The following MLIP variants were observed in gnomAD, a reference collection of about 807,000 sequenced individuals.
The protein encoded by MLIP is muscular LMNA-interacting protein.
In MLIP, 79 loss-of-function variants were observed where a neutral mutation model predicts 84.8. The ratio of observed to expected loss-of-function variants is 0.93; its 90% confidence interval spans 0.78 to 1.12. The LOEUF is 1.12. Among genes scored for constraint, MLIP ranks in the 50% most tolerant of loss-of-function variants. The probability of loss-of-function intolerance (pLI) is 0.00; values close to 1 mark genes in which losing one functional copy is unlikely to be tolerated. For missense variants in MLIP, 1,257 were observed against 1,160.6 expected (o/e 1.08, Z -1.21); for synonymous variants, 504 against 463.0 (o/e 1.09, Z -1.14).
chr6:54,174,336 C>T (rs749586802), intron 9 of MLIP, among the ~76,000 whole-genome samples: 2 of 151,602 alleles, frequency 1.3e-5, no homozygotes, highest in Non-Finnish European at 3.0e-5. Context: ...TTATAGTGGT[C>T]GTACTAATTG....
intron 13 of MLIP, among the ~76,000 whole-genome samples, chr6:54,259,670 C>A (rs568695803): frequency 2.0e-5 from 3 of 151,654 alleles, no homozygotes; most frequent in Non-Finnish European, 4.4e-5. Context: ...TTGGAATATA[C>A]GAAAAATGTC....
At chr6:54,079,124 T>G (rs1387996481) in intron 1 of MLIP, among the ~76,000 whole-genome samples, 2 of 152,236 alleles carry the variant, frequency 1.3e-5, no homozygotes, top group Non-Finnish European at 1.5e-5. Flanking sequence ...GAAATTAAAC[T>G]TGAATGAGGC....
At chr6:54,219,454 G>T (rs1022316364) in intron 11 of MLIP, among the ~76,000 whole-genome samples, 2 of 144,050 alleles carry the variant, frequency 1.4e-5, no homozygotes, top group Non-Finnish European at 1.5e-5. Context: ...TCTGCAATAG[G>T]AATTTTTCGG....
At position 54,112,897 on chromosome 6, in the gene MLIP, T is replaced by G. The variant is rs188801419; in HGVS notation, c.96+1322T>G. On this transcript the variant is annotated intron_variant, in intron 1 of 13. Coordinates refer to ENST00000502396, the MANE Select transcript of MLIP (RefSeq NM_001281747.2). ...CATACTTTGTTTCTACTTTATTCAC[T>G]GAAAGTTATAGCTGTCAACTTTTAA... Among the ~76,000 whole-genome samples the G allele has an allele frequency of 9.8e-3, 1,486 of 152,294 alleles. 26 individuals are homozygous for G. Among genetic ancestry groups the G allele is most frequent in the African/African-American group, 0.033 (1,373 of 41,576 alleles).
intron 11 of MLIP, among the ~76,000 whole-genome samples, chr6:54,228,531 A>C (rs1181126162): frequency 6.6e-6 from 1 of 152,242 alleles, no homozygotes; most frequent in Non-Finnish European, 1.5e-5. Context: ...GATCCTACAG[A>C]AACATTCAGG....
chr6:54,216,935 T>C (rs2150759214), intron 11 of MLIP: 1 of 985,440 alleles, frequency 1.0e-6, no homozygotes, highest in African/African-American at 1.7e-5. Context: ...AAGAAAATAT[T>C]ACTACTGTTC....
At chr6:54,245,962 G>A (rs368669541) in intron 12 of MLIP, among the ~76,000 whole-genome samples, 3 of 152,206 alleles carry the variant, frequency 2.0e-5, no homozygotes, top group East Asian at 1.9e-4. Flanking sequence ...CAAAATATGA[G>A]CATAAAATTT....
In MLIP at chr6:54,138,206, A is replaced by G. The variant is rs1290452850; in HGVS notation, c.2137A>G (p.Ile713Val). ...ACCTGTTTCAACCCCATCACTTCCC[A>G]TATCTCTAACAAGGACAGAGGAGCT... ...RSPVSTPSLP[I>V]SLTRTEELIS... The change falls in exon 4 of 14, where the codon ATA becomes GTA. Residue 713 changes from isoleucine (I) to valine (V), a missense_variant. Transcript: ENST00000502396. 1.3e-6 allele frequency: 2 copies of G among 1,535,958 alleles called. No individual in the cohort carries two copies. Among genetic ancestry groups the G allele is most frequent in the Admixed American group, 2.0e-5 (1 of 50,972 alleles).
At chr6:54,172,192 C>A (rs543579578) in intron 9 of MLIP, among the ~76,000 whole-genome samples, 8 of 151,710 alleles carry the variant, frequency 5.3e-5, no homozygotes, top group African/African-American at 1.9e-4. Context: ...GATTACTACA[C>A]GTTGTATGTC....
At chr6:54,181,511 C>G (rs776223190) in intron 9 of MLIP, among the ~76,000 whole-genome samples, 29 of 152,192 alleles carry the variant, frequency 1.9e-4, no homozygotes, top group Non-Finnish European at 2.9e-4. Flanking sequence ...CTCTACCTCC[C>G]TGTGATCAAG....
chr6:54,160,411 C>T lies in MLIP; in HGVS notation c.2334C>T (p.Asn778=), dbSNP rs777304909. 1.1e-5 allele frequency: 17 copies of T among 1,612,488 alleles called. No homozygotes were observed. The highest frequency in any genetic ancestry group is 1.3e-5 in the Non-Finnish European group (15 of 1,179,138). ...AGACTGAAAGTGTCTCCAAGGACAA[C>T]ACATTAGAACCACCAGTGGAGGTAA... ...PAKTESVSKD[N]TLEPPVELYF... is the part of the protein sequence containing the mutation. The change falls in exon 6 of 14, where the codon AAC becomes AAT. Residue 778 remains asparagine, a synonymous_variant. Transcript: ENST00000502396.
intron 1 of MLIP, among the ~76,000 whole-genome samples, chr6:54,023,156 G>T (rs1468962515): frequency 7.2e-6 from 1 of 138,010 alleles, no homozygotes; most frequent in African/African-American, 2.6e-5. Flanking sequence ...GACAGAGCGA[G>T]ACTCCATCTC....
intron 8 of MLIP, among the ~76,000 whole-genome samples, chr6:54,163,781 C>A (rs1018944554): frequency 4.6e-5 from 7 of 151,868 alleles, no homozygotes; most frequent in Non-Finnish European, 1.0e-4. Flanking sequence ...CCTTATTTTG[C>A]ACACATTCAA....
chr6:54,028,632 T>C (rs1763954289), intron 1 of MLIP, among the ~76,000 whole-genome samples: 1 of 152,206 alleles, frequency 6.6e-6, no homozygotes, highest in African/African-American at 2.4e-5. Context: ...TCTGGCATGT[T>C]TTGTTGTGCC....
chr6:54,137,036 A>G lies in MLIP; in HGVS notation c.967A>G (p.Thr323Ala). 2 of 1,535,956 alleles carry G rather than the reference A, an allele frequency of 1.3e-6. No homozygotes were observed. Among genetic ancestry groups the G allele is most frequent in the Non-Finnish European group, 1.7e-6 (2 of 1,146,852 alleles). The change falls in exon 4 of 14, where the codon ACC (threonine) becomes GCC (alanine). Residue 323 changes from threonine to alanine, a missense_variant. By Grantham distance (58) the Thr-to-Ala change is moderately conservative. Transcript: ENST00000502396. ...STAADPKPGL[T>A]SEVLKKTTLT... Reference sequence around the variant, plus strand: ...TGCAGCAGATCCAAAGCCTGGACTGACCTCTGAAGTTCTCAAGAAGACAAC... The same window carrying G: ...TGCAGCAGATCCAAAGCCTGGACTGGCCTCTGAAGTTCTCAAGAAGACAAC...
chr6:54,142,377 G>T (rs1772391561), intron 4 of MLIP, among the ~76,000 whole-genome samples: 1 of 152,174 alleles, frequency 6.6e-6, no homozygotes, highest in Admixed American at 6.5e-5. Flanking sequence ...ATTCTCAAGG[G>T]AAATAGAGAA....
chr6:54,098,776 C>T (rs555822564), intron 1 of MLIP, among the ~76,000 whole-genome samples: 1 of 152,284 alleles, frequency 6.6e-6, no homozygotes, highest in South Asian at 2.1e-4. Flanking sequence ...AATATTTATT[C>T]TGTGCCTACT....
upstream of MLIP, chr6:54,111,336 C>T (rs1769445402): frequency 1.5e-6 from 2 of 1,370,864 alleles, no homozygotes; most frequent in Admixed American, 5.7e-5. Context: ...TCGGAGCTGA[C>T]ACAATTCCTC....
chr6:54,142,521 A>T (rs1772405030), intron 4 of MLIP, among the ~76,000 whole-genome samples: 1 of 152,164 alleles, frequency 6.6e-6, no homozygotes, highest in African/African-American at 2.4e-5. Context: ...GACAGGTACA[A>T]AGAACACATT....
Sources: gnomAD v4.1 joint callset for allele counts (sites outside exome capture counted in the v4.1 genomes callset) on GRCh38, gnomAD v4.1.1 for gene constraint, MANE v1.5 for transcripts, NCBI Gene and HGNC (gene_info 2026-07-23, HGNC 2026-07-21) for gene names.